The following PIP5K1A variants were observed in gnomAD, a reference collection of about 807,000 sequenced individuals.
PIP5K1A encodes phosphatidylinositol 4-phosphate 5-kinase type-1 alpha.
Under a neutral mutation model 72.9 loss-of-function variants are expected in PIP5K1A, and 46 were observed. That is an observed-to-expected ratio of 0.63 (90% CI 0.50 to 0.81). The LOEUF (loss-of-function observed/expected upper bound fraction) is 0.81. Among genes scored for constraint, PIP5K1A ranks in the 30% least tolerant of loss-of-function variants. PIP5K1A has a pLI of 0.00. For missense variants in PIP5K1A, 458 were observed against 706.1 expected, an observed-to-expected ratio of 0.65 and a Z score of 3.98; for synonymous variants, 228 against 255.1, an observed-to-expected ratio of 0.89 and a Z score of 1.01.
chr1:151,206,688 C>T (rs587692797), intron 1 of PIP5K1A, among the ~76,000 whole-genome samples: 1 of 152,274 alleles, frequency 6.6e-6, no homozygotes, highest in African/African-American at 2.4e-5. Context: ...GCCTCAGCCT[C>T]CCAAGAAGCT....
In PIP5K1A at chr1:151,224,244, G is replaced by A; in HGVS notation, c.86-1G>A. On this transcript the variant is annotated splice_acceptor_variant, in intron 1 of 15. Coordinates refer to ENST00000368888, the MANE Select transcript of PIP5K1A (RefSeq NM_001135638.2). LOFTEE classifies it high-confidence loss of function. ...TATGATTGTTTTTTTTTCCCCCCTA[G>A]CAGCATCTGGAATCAAGAGACCCAT... The A allele has an allele frequency of 6.2e-7, 1 of 1,612,378 alleles. No homozygotes were observed. Among genetic ancestry groups the A allele is most frequent in the Non-Finnish European group, 8.5e-7 (1 of 1,178,728 alleles).
rs1687535035 is a variant in PIP5K1A at position 151,215,981 on chromosome 1, T to TG, written c.86-8260dup. The stretch of plus-strand genomic sequence containing the variant: ...CATTAGGTTTCAACTTTCTGTGCTG[T>TG]GGGGTCAGTGGTAAGAGAGGTAGAT... On this transcript the variant is annotated intron_variant, in intron 1 of 15. Transcript: ENST00000368888. The TG allele has an allele frequency of 2.3e-6, 3 of 1,302,630 alleles. No homozygotes were observed. The African/African-American group carries it at 4.6e-5, about 20-fold the overall frequency. 80.7% of individuals were successfully genotyped at this position (1,302,630 alleles called of 1,614,324 possible).
intron 1 of PIP5K1A, among the ~76,000 whole-genome samples, chr1:151,208,269 C>T (rs1039495568): frequency 6.6e-6 from 1 of 152,034 alleles, no homozygotes; most frequent in Admixed American, 6.6e-5. Flanking sequence ...CCTTGCACTT[C>T]TGACTGTTTC....
intron 1 of PIP5K1A, among the ~76,000 whole-genome samples, chr1:151,217,187 C>T (rs1332814427): frequency 6.6e-6 from 1 of 152,112 alleles, no homozygotes; most frequent in African/African-American, 2.4e-5. Context: ...GCTGGGATTA[C>T]AGGCTTGAGC....
At chr1:151,241,461 A>C (rs587765907) in intron 12 of PIP5K1A, among the ~76,000 whole-genome samples, 1 of 150,014 alleles carries the variant, frequency 6.7e-6, no homozygotes, top group Non-Finnish European at 1.5e-5. Flanking sequence ...CCAAGATGGC[A>C]CCACTGCACT....
At chr1:151,229,191 A>AC (rs1242739468) in intron 4 of PIP5K1A, among the ~76,000 whole-genome samples, 5 of 149,712 alleles carry the variant, frequency 3.3e-5, no homozygotes, top group African/African-American at 1.2e-4. Context: ...AAAAAAAAAA[A>AC]AACAGGAAAG....
intron 11 of PIP5K1A, 77 bp downstream of exon 11, chr1:151,239,255 A>C: frequency 1.1e-6 from 1 of 939,708 alleles, no homozygotes; most frequent in East Asian, 2.6e-5. Context: ...GTTTCTTGCA[A>C]TTTTTTCTTT....
At chr1:151,228,588 CAG>C (rs1689506877) in intron 4 of PIP5K1A, among the ~76,000 whole-genome samples, 1 of 152,140 alleles carries the variant, frequency 6.6e-6, no homozygotes, top group Admixed American at 6.6e-5. Context: ...GAAGGGAAAA[CAG>C]AAGCATCCTG....
intron 15 of PIP5K1A, 70 bp downstream of exon 15, chr1:151,247,035 C>G: frequency 9.8e-7 from 1 of 1,019,392 alleles, no homozygotes; most frequent in Non-Finnish European, 1.4e-6. Context: ...TGGCCTGGAG[C>G]AGGAAGTTAA....
At chr1:151,247,828 C>T (rs1374462935) in intron 15 of PIP5K1A, 35 bp from the exon 16 acceptor site, 5 of 1,578,520 alleles carry the variant, frequency 3.2e-6, no homozygotes, top group Non-Finnish European at 4.3e-6. Context: ...TAATCTCATA[C>T]TCCACATCCT....
rs201824840 is a variant in PIP5K1A, at chr1:151,239,919, G to GCCT, written c.1279-32_1279-30dup. On this transcript the variant is annotated intron_variant, in intron 11 of 15. Transcript: ENST00000368888. Reference sequence around the variant, plus strand: ...CTTGGACTAGAGTTCCTCTTGCCGGGCCTCCTAACTCTATAGCATTTCTTC... The same window carrying GCCT: ...CTTGGACTAGAGTTCCTCTTGCCGGGCCTCCTCCTAACTCTATAGCATTTCTTC... 5.5e-5 allele frequency: 47 copies of GCCT among 855,526 alleles called. No homozygotes were observed. In the African/African-American group the frequency reaches 1.1e-3, roughly 20 times the overall value. The allele number at this position is 855,526 out of a possible 1,614,324, so 53.0% of individuals were successfully genotyped here. A position where few individuals can be genotyped will look rare whatever the true frequency, so the allele number is the denominator to read the frequency against.
intron 8 of PIP5K1A, among the ~76,000 whole-genome samples, chr1:151,235,185 C>T (rs1013115198): frequency 1.3e-5 from 2 of 152,142 alleles, no homozygotes; most frequent in Admixed American, 1.3e-4. Context: ...CAGATTCAAG[C>T]GATTCTCCTG....
chr1:151,247,802 G>C (rs968473915), intron 15 of PIP5K1A, 61 bp from the exon 16 acceptor site: 7 of 1,394,986 alleles, frequency 5.0e-6, no homozygotes, highest in Non-Finnish European at 7.0e-6. Flanking sequence ...CTTAACGCTT[G>C]AATTCCATTT....
In PIP5K1A at chr1:151,216,900, GTTTTTTTTTTTT is replaced by G. The variant is rs78155966; in HGVS notation, c.86-7326_86-7315del. 2.9e-5 allele frequency among the ~76,000 whole-genome samples: 4 copies of G among 136,792 alleles called. No homozygotes were observed. The East Asian group carries it at 6.6e-4, about 23-fold the overall frequency. The allele number at this position is 136,792 out of a possible 152,430, so 89.7% of individuals were successfully genotyped here. A position where few individuals can be genotyped will look rare whatever the true frequency, so the allele number is the denominator to read the frequency against. On this transcript the variant is annotated intron_variant, in intron 1 of 15. Transcript: ENST00000368888. The stretch of plus-strand genomic sequence containing the variant: ...ACCCAAGGTTACCTACTTAGTAAAT[GTTTTTTTTTTTT>G]TTTTTTTTTTTTTTTTTTGAGACGG...
rs587748980 is a variant in PIP5K1A at position 151,199,227 on chromosome 1, G to C, written c.85+146G>C. 2.1e-5 allele frequency: 30 copies of C among 1,442,996 alleles called. No individual in the cohort carries two copies. In the South Asian group the frequency reaches 3.4e-4, roughly 16 times the overall value. 89.4% of individuals were successfully genotyped at this position (1,442,996 alleles called of 1,614,324 possible). A position where few individuals can be genotyped will look rare whatever the true frequency, so the allele number is the denominator to read the frequency against. Reference sequence around the variant, plus strand: ...GCTGGGCTTTCAAATAGGGATTTATGAGCGGGCAGGAGTTTGAGGAAAGGA... The same window carrying C: ...GCTGGGCTTTCAAATAGGGATTTATCAGCGGGCAGGAGTTTGAGGAAAGGA... On this transcript the variant is annotated intron_variant, in intron 1 of 15. Transcript: ENST00000368888.
intron 14 of PIP5K1A, among the ~76,000 whole-genome samples, chr1:151,244,731 A>C (rs1692247403): frequency 6.6e-6 from 1 of 152,164 alleles, no homozygotes; most frequent in African/African-American, 2.4e-5. Context: ...CATTGTATAT[A>C]AGGGACTTGT....
chr1:151,218,992 G>A (rs955028484), intron 1 of PIP5K1A, among the ~76,000 whole-genome samples: 3 of 152,066 alleles, frequency 2.0e-5, no homozygotes, highest in African/African-American at 4.8e-5. Context: ...TAATAAAAGG[G>A]ATTAGACTAA....
chr1:151,242,180 G>T lies in PIP5K1A; in HGVS notation c.1421G>T (p.Gly474Val), dbSNP rs1334591796. Residue 474 changes from glycine to valine, a missense_variant, in exon 13 of 16, where the codon GGC (glycine) becomes GTC (valine). By Grantham distance (109) the Gly-to-Val change is moderately radical (BLOSUM62 -3). Transcript: ENST00000368888. Reference protein sequence around the residue: ...RSGSSFSRRAGSSGNSCITYQ... With the variant: ...RSGSSFSRRAVSSGNSCITYQ... ...GGCTCATCTTTCTCTCGGCGAGCAG[G>T]CTCCAGTGGCAACTCCTGCATTACT... The T allele has an allele frequency of 1.2e-6, 2 of 1,613,954 alleles. No individual in the cohort carries two copies. The highest frequency in any genetic ancestry group is 1.7e-6 in the Non-Finnish European group (2 of 1,179,990).
At chr1:151,199,549 G>C (rs1240223620) in intron 1 of PIP5K1A, among the ~76,000 whole-genome samples, 1 of 151,934 alleles carries the variant, frequency 6.6e-6, no homozygotes, top group Non-Finnish European at 1.5e-5. Context: ...GGGAGGCAGA[G>C]CTTGCGGTGA....
Sources: allele counts gnomAD v4.1 joint callset (sites outside exome capture counted in the v4.1 genomes callset), GRCh38; gene constraint gnomAD v4.1.1; transcripts MANE v1.5; gene names NCBI Gene and HGNC (gene_info 2026-07-23, HGNC 2026-07-21).